The following N4BP2 variants were observed in gnomAD, a reference collection of about 807,000 sequenced individuals.
N4BP2 encodes NEDD4 binding protein 2, also known as NEDD4-binding protein 2.
N4BP2 carries 91 observed loss-of-function variants against 152.8 expected under a neutral mutation model. The ratio of observed to expected loss-of-function variants is 0.60; its 90% confidence interval spans 0.50 to 0.71. The LOEUF (loss-of-function observed/expected upper bound fraction) is 0.71. N4BP2 is among the 30% of genes least tolerant of loss of function. The pLI is 0.00. For missense variants in N4BP2, 1,923 were observed against 2,059.1 expected, an observed-to-expected ratio of 0.93 and a Z score of 1.28; for synonymous variants, 646 against 705.3, an observed-to-expected ratio of 0.92 and a Z score of 1.33.
chr4:40,128,842 A>T (rs890493959), intron 12 of N4BP2, among the ~76,000 whole-genome samples: 21 of 147,250 alleles, frequency 1.4e-4, no homozygotes, highest in Non-Finnish European at 2.8e-4. Context: ...CTTTAAAAAA[A>T]AAATAAATAA....
intron 1 of N4BP2, among the ~76,000 whole-genome samples, chr4:40,059,490 C>T (rs1168631264): frequency 6.6e-6 from 1 of 151,962 alleles, no homozygotes; most frequent in African/African-American, 2.4e-5. Flanking sequence ...GCTGGGATTA[C>T]AGGTGCTCAA....
chr4:40,060,955 C>G (rs1156511840), intron 1 of N4BP2, among the ~76,000 whole-genome samples: 5 of 151,936 alleles, frequency 3.3e-5, no homozygotes, highest in Admixed American at 3.3e-4. Context: ...CATGTATTAG[C>G]TGCTTTTCTT....
intron 2 of N4BP2, among the ~76,000 whole-genome samples, chr4:40,073,839 C>T (rs1352564923): frequency 6.6e-6 from 1 of 152,100 alleles, no homozygotes; most frequent in Non-Finnish European, 1.5e-5. Flanking sequence ...GTTGCCCAGG[C>T]TGTAGTGCAA....
At chr4:40,139,450 T>G (rs1719703184) in intron 14 of N4BP2, among the ~76,000 whole-genome samples, 1 of 151,708 alleles carries the variant, frequency 6.6e-6, no homozygotes, top group African/African-American at 2.4e-5. Context: ...TACATAGACA[T>G]GCAGTTGGGT....
At position 40,113,580 on chromosome 4, in the gene N4BP2, C is replaced by T. The variant is rs1432787202; in HGVS notation, c.1664+72C>T. 59 of 1,035,026 alleles carry T rather than the reference C, an allele frequency of 5.7e-5. 1 individual carries two copies. The South Asian group carries it at 6.4e-4, about 11-fold the overall frequency. 64.1% of individuals were successfully genotyped at this position (1,035,026 alleles called of 1,614,324 possible). On this transcript the variant is annotated intron_variant, in intron 7 of 17. Transcript: ENST00000261435. ...AGACAAGGTCCGTTTAGATTTTTCC[C>T]CTTGTAAATGATGAATGAATTGATT...
intron 1 of N4BP2, among the ~76,000 whole-genome samples, chr4:40,070,846 AG>A (rs1290174391): frequency 8.1e-5 from 12 of 147,378 alleles, no homozygotes; most frequent in Admixed American, 2.7e-4. Context: ...TTTTTTTGAG[AG>A]GAAGTCTTGC....
rs748590826 is a variant in N4BP2, at chr4:40,131,831, TG to T, written c.4559del (p.Cys1520LeufsTer5). On this transcript the variant is annotated frameshift_variant, in exon 13 of 18. Coordinates refer to ENST00000261435, the MANE Select transcript of N4BP2 (RefSeq NM_018177.6). LOFTEE classifies it high-confidence loss of function. ...GGAGACCCTTATGTTTGAAAAAGAT[TG>T]TGCCACTAAACTAAAGGAGAAGCAG... ...KRETLMFEKD[C>X]ATKLKEKQLF... 6.2e-7 allele frequency: 1 copy of T among 1,613,536 alleles called. No homozygotes were observed. Among genetic ancestry groups the T allele is most frequent in the Non-Finnish European group, 8.5e-7 (1 of 1,179,678 alleles).
the N4BP2 span, chr4:40,167,803 A>T: frequency 1.3e-5 from 2 of 152,228 alleles, no homozygotes; most frequent in African/African-American, 2.4e-5. Flanking sequence ...TGTGTACTAT[A>T]CGTGTTAAAT....
chr4:40,140,823 T>A (rs1266096876), intron 14 of N4BP2, among the ~76,000 whole-genome samples: 3 of 151,442 alleles, frequency 2.0e-5, no homozygotes, highest in Non-Finnish European at 2.9e-5. Context: ...AGCATCTGTT[T>A]AACAAAGCAC....
chr4:40,147,295 T>G (rs1720632960), intron 16 of N4BP2, among the ~76,000 whole-genome samples: 1 of 152,016 alleles, frequency 6.6e-6, no homozygotes, highest in Non-Finnish European at 1.5e-5. Flanking sequence ...AAATGAAAAG[T>G]CTCCCACGTC....
At chr4:40,125,535 A>G (rs1718309638) in intron 11 of N4BP2, among the ~76,000 whole-genome samples, 1 of 152,122 alleles carries the variant, frequency 6.6e-6, no homozygotes, top group Non-Finnish European at 1.5e-5. Context: ...ACATGTCACT[A>G]TGTTTTGGGT....
chr4:40,070,885 C>T (rs940706336), intron 1 of N4BP2, among the ~76,000 whole-genome samples: 6 of 150,802 alleles, frequency 4.0e-5, no homozygotes, highest in African/African-American at 1.5e-4. Flanking sequence ...AGTGCAGTGG[C>T]GTGATCTTCG....
At position 40,113,522 on chromosome 4, in the gene N4BP2, G is replaced by A. The variant is rs1717085545; in HGVS notation, c.1664+14G>A. The A allele has an allele frequency of 6.9e-6, 11 of 1,590,144 alleles. No homozygotes were observed. Among genetic ancestry groups the A allele is most frequent in the Non-Finnish European group, 9.5e-6 (11 of 1,159,020 alleles). ...GGAACTTGCAAGGTAAAACTTGGAG[G>A]CTACCTAACATGCTTTTTATGTAAC... On this transcript the variant is annotated intron_variant, in intron 7 of 17. Coordinates refer to ENST00000261435, the MANE Select transcript of N4BP2 (RefSeq NM_018177.6).
At chr4:40,099,209 C>T (rs918075555) in intron 3 of N4BP2, among the ~76,000 whole-genome samples, 1 of 152,074 alleles carries the variant, frequency 6.6e-6, no homozygotes. Flanking sequence ...AGTGGTTTCA[C>T]TTCAGCCTTT....
intron 13 of N4BP2, among the ~76,000 whole-genome samples, chr4:40,133,699 A>G (rs899749296): frequency 9.2e-5 from 14 of 152,338 alleles, no homozygotes; most frequent in Admixed American, 9.2e-4. Context: ...CATTCCCAAG[A>G]TACCTCATTA....
intron 14 of N4BP2, among the ~76,000 whole-genome samples, chr4:40,137,575 A>G (rs1288754543): frequency 6.6e-6 from 1 of 152,196 alleles, no homozygotes; most frequent in Non-Finnish European, 1.5e-5. Context: ...TGTGTTAAGA[A>G]TACCGAGAAT....
chr4:40,131,105 G>C (rs933686255), intron 12 of N4BP2, among the ~76,000 whole-genome samples: 1 of 152,098 alleles, frequency 6.6e-6, no homozygotes, highest in South Asian at 2.1e-4. Context: ...GTACACTGTA[G>C]TTTCTGCCCA....
chr4:40,144,790 G>C lies in N4BP2; in HGVS notation c.5133G>C (p.Lys1711Asn), dbSNP rs768917524. The C allele has an allele frequency of 3.7e-6, 6 of 1,610,096 alleles. No individual in the cohort carries two copies. Among genetic ancestry groups the C allele is most frequent in the African/African-American group, 1.3e-5 (1 of 74,776 alleles). Reference protein sequence around the residue: ...ALEHLMRVLEKKTEEFKQNGG... With the variant: ...ALEHLMRVLENKTEEFKQNGG... ...AACATTTGATGAGAGTTTTAGAGAA[G>C]AAGACTGAAGGTAGGACTGTGGTAA... is the stretch of plus-strand genomic sequence containing the variant. The change falls in exon 16 of 18, where the codon AAG (lysine) becomes AAC (asparagine). Residue 1711 changes from lysine (K) to asparagine (N), a missense_variant. By Grantham distance (94) the Lys-to-Asn change is moderately conservative. Coordinates refer to ENST00000261435, the MANE Select transcript of N4BP2 (RefSeq NM_018177.6).
intron 4 of N4BP2, among the ~76,000 whole-genome samples, chr4:40,106,604 G>A (rs192478559): frequency 1.7e-3 from 260 of 151,896 alleles, no homozygotes; most frequent in African/African-American, 5.8e-3. Flanking sequence ...GCTGGAGTAC[G>A]GTGGCGCAAT....
Sources: gnomAD v4.1 joint callset for allele counts (sites outside exome capture counted in the v4.1 genomes callset) on GRCh38, gnomAD v4.1.1 for gene constraint, MANE v1.5 for transcripts, NCBI Gene and HGNC (gene_info 2026-07-23, HGNC 2026-07-21) for gene names.